Variants in PSME4 observed in about 807,000 individuals in gnomAD.
PSME4 encodes proteasome activator subunit 4, also known as proteasome activator complex subunit 4.
PSME4 carries 89 observed loss-of-function variants against 253.9 expected under a neutral mutation model. That is an observed-to-expected ratio of 0.35 (90% CI 0.30 to 0.42). PSME4 has a LOEUF of 0.42. Among genes scored for constraint, PSME4 ranks in the 10% least tolerant of loss-of-function variants. The probability of loss-of-function intolerance (pLI) is 1.00; values close to 1 mark genes in which losing one functional copy is unlikely to be tolerated. For synonymous variants in PSME4, 851 were observed against 759.2 expected, an observed-to-expected ratio of 1.12 and a Z score of -1.99; for missense variants, 2,014 against 2,195.2, an observed-to-expected ratio of 0.92 and a Z score of 1.65.
chr2:53,965,116 C>T (rs1188014731), intron 1 of PSME4, among the ~76,000 whole-genome samples: 1 of 152,146 alleles, frequency 6.6e-6, no homozygotes, highest in Non-Finnish European at 1.5e-5. Context: ...CACACACACA[C>T]ACACGAATCA....
chr2:53,889,284 T>C (rs1679788300), intron 37 of PSME4, among the ~76,000 whole-genome samples: 1 of 152,248 alleles, frequency 6.6e-6, no homozygotes, highest in Non-Finnish European at 1.5e-5. Context: ...TTCAAGTCTG[T>C]TATGAAAATG....
intron 5 of PSME4, 103 bp from the exon 6 acceptor site, chr2:53,936,930 A>G: frequency 1.3e-6 from 1 of 743,754 alleles, no homozygotes; most frequent in Non-Finnish European, 2.2e-6. Context: ...ACTGATAACT[A>G]CGTTAACTAG....
chr2:53,879,534 T>C (rs985765713), intron 41 of PSME4, among the ~76,000 whole-genome samples: 1 of 152,094 alleles, frequency 6.6e-6, no homozygotes, highest in Admixed American at 6.6e-5. Flanking sequence ...AGAGTAACTG[T>C]CAACAGGAAC....
chr2:53,947,911 G>C (rs1281455265), intron 3 of PSME4, among the ~76,000 whole-genome samples: 1 of 151,656 alleles, frequency 6.6e-6, no homozygotes, highest in African/African-American at 2.4e-5. Context: ...AGCTGCTCGG[G>C]AGGCTGAGGA....
At chr2:53,914,620 C>G (rs929568037) in intron 20 of PSME4, among the ~76,000 whole-genome samples, 1 of 152,192 alleles carries the variant, frequency 6.6e-6, no homozygotes, top group African/African-American at 2.4e-5. Context: ...CAGTGGCTCA[C>G]GCCTGTGATC....
At position 53,900,946 on chromosome 2, in the gene PSME4, G is replaced by A. The variant is rs145718540; in HGVS notation, c.3285+404C>T. Among the ~76,000 whole-genome samples, 170 of 152,196 alleles carry A rather than the reference G, an allele frequency of 1.1e-3. 1 individual carries two copies. The highest frequency in any genetic ancestry group is 3.9e-3 in the African/African-American group (163 of 41,538). On this transcript the variant is annotated intron_variant, in intron 28 of 46. Coordinates refer to ENST00000404125, the MANE Select transcript of PSME4 (RefSeq NM_014614.3). The stretch of plus-strand genomic sequence containing the variant: ...TGAAAGTTATATTCTTTAGTCTTTC[G>A]AGTCAAATCATTCAATTTTAGTTTT...
rs769899194 is a variant in PSME4 at position 53,925,645 on chromosome 2, T to C, written c.1703A>G (p.Glu568Gly). 1 of 1,611,256 alleles carries C rather than the reference T, an allele frequency of 6.2e-7. No individual in the cohort carries two copies. Among genetic ancestry groups the C allele is most frequent in the South Asian group, 1.1e-5 (1 of 90,988 alleles). ...IESSTLEQTR[E>G]ETETEKMTHL... ...TGTCATTTTCTCAGTTTCTGTCTCT[T>C]CTCTTGTTTGCTCCAATGTGCTACT... The change falls in exon 14 of 47, where the codon GAA becomes GGA. Residue 568 changes from glutamate (E) to glycine (G), a missense_variant. Glu to Gly is a moderately conservative substitution (Grantham distance 98). Coordinates refer to ENST00000404125, the MANE Select transcript of PSME4 (RefSeq NM_014614.3).
At chr2:53,946,654 G>C (rs1442078176) in intron 3 of PSME4, among the ~76,000 whole-genome samples, 1 of 152,242 alleles carries the variant, frequency 6.6e-6, no homozygotes, top group African/African-American at 2.4e-5. Context: ...CCAGCACTTT[G>C]GGAGGCCAAG....
intron 12 of PSME4, 53 bp downstream of exon 12, chr2:53,927,341 T>C (rs1668601015): frequency 1.6e-6 from 2 of 1,256,688 alleles, no homozygotes; most frequent in East Asian, 2.3e-5. Flanking sequence ...ACTATGCATA[T>C]GCAATAATAA....
chr2:53,918,742 A>C (rs1381374243), intron 20 of PSME4, among the ~76,000 whole-genome samples: 1 of 152,184 alleles, frequency 6.6e-6, no homozygotes, highest in Non-Finnish European at 1.5e-5. Context: ...AACCAATTCA[A>C]AATCATAATG....
intron 43 of PSME4, among the ~76,000 whole-genome samples, chr2:53,872,686 G>A (rs748936573): frequency 2.3e-5 from 3 of 129,712 alleles, no homozygotes; most frequent in Non-Finnish European, 4.7e-5. Context: ...AGGCTGCAGT[G>A]AGCCATAATT....
intron 41 of PSME4, among the ~76,000 whole-genome samples, chr2:53,883,187 C>T (rs544866601): frequency 6.6e-6 from 1 of 152,194 alleles, no homozygotes; most frequent in African/African-American, 2.4e-5. Flanking sequence ...CCACAAACTT[C>T]AAAGTTTTTT....
intron 20 of PSME4, among the ~76,000 whole-genome samples, chr2:53,910,956 C>T (rs1468729901): frequency 2.6e-5 from 4 of 152,010 alleles, no homozygotes; most frequent in Admixed American, 2.6e-4. Context: ...AGTTAATAAA[C>T]AGCAATCTTA....
In PSME4 at chr2:53,887,313, T is replaced by C; in HGVS notation, c.4675A>G (p.Asn1559Asp). 1.2e-6 allele frequency: 2 copies of C among 1,614,092 alleles called. No homozygotes were observed. Among genetic ancestry groups the C allele is most frequent in the Non-Finnish European group, 1.7e-6 (2 of 1,179,958 alleles). Residue 1559 changes from asparagine to aspartate, a missense_variant, in exon 40 of 47, where the codon AAT becomes GAT. Around this residue, in one of 4 missense-constraint regions of PSME4, gnomAD observed 403 missense variants for 556.1 expected, o/e 0.72. Transcript: ENST00000404125. ...EEIQNHVMEE[N>D]GIGEEDERTQ... ...CGCTCATCTTCTTCACCAATTCCAT[T>C]TTCTTCCATAACATGGTTCTGAATT...
Position 53,908,581 on chromosome 2 carries a change from G to T in PSME4, c.2630-16C>A. 1 of 1,577,334 alleles carries T rather than the reference G, an allele frequency of 6.3e-7. No homozygotes were observed. Among genetic ancestry groups the T allele is most frequent in the South Asian group, 1.2e-5 (1 of 83,954 alleles). ...AGTATGTGGTCTATAATGGAAGAAAGAAAAGGATTTTGGTTAAAATATTTT... is the reference window on the plus strand; with the variant it reads ...AGTATGTGGTCTATAATGGAAGAAATAAAAGGATTTTGGTTAAAATATTTT... On this transcript the variant is annotated splice_polypyrimidine_tract_variant and intron_variant, in intron 22 of 46. Transcript: ENST00000404125.
chr2:53,880,688 C>G (rs1202384767), intron 41 of PSME4, among the ~76,000 whole-genome samples: 1 of 152,142 alleles, frequency 6.6e-6, no homozygotes, highest in African/African-American at 2.4e-5. Flanking sequence ...ATTCATAAAA[C>G]AATTTCAGAA....
intron 20 of PSME4, among the ~76,000 whole-genome samples, chr2:53,918,458 A>T (rs562480673): frequency 7.9e-5 from 12 of 152,100 alleles, no homozygotes; most frequent in African/African-American, 2.9e-4. Context: ...GGCTCAAGCA[A>T]TCCTCCCACC....
rs1162538755 is a variant in PSME4, at chr2:53,925,966, T to C, written c.1651A>G (p.Met551Val). Residue 551 changes from methionine to valine, a missense_variant, in exon 13 of 47, where the codon ATG becomes GTG. By Grantham distance (21) the Met-to-Val change is conservative (BLOSUM62 1). Around this residue, in one of 4 missense-constraint regions of PSME4, gnomAD observed 989 missense variants for 1,021.1 expected, o/e 0.97. Transcript: ENST00000404125. Reference protein sequence around the residue: ...AEFEDFVLQFMDRCFGLIESS... With the variant: ...AEFEDFVLQFVDRCFGLIESS... ...TGTGGGTTACAAGCTCACCTGTCCA[T>C]AAACTGTAAGACGAAATCCTCAAAT... 6.2e-7 allele frequency: 1 copy of C among 1,612,922 alleles called. No homozygotes were observed. The highest frequency in any genetic ancestry group is 1.7e-5 in the Admixed American group (1 of 60,028).
At chr2:53,889,901 T>C (rs1679825120) in intron 37 of PSME4, among the ~76,000 whole-genome samples, 1 of 152,178 alleles carries the variant, frequency 6.6e-6, no homozygotes, top group Admixed American at 6.5e-5. Flanking sequence ...GACAAAAGTA[T>C]GAACAAACTT....
Sources: gnomAD v4.1 joint callset for allele counts (sites outside exome capture counted in the v4.1 genomes callset) on GRCh38, gnomAD v4.1.1 for gene constraint, gnomAD v4.1.1 regional missense constraint, MANE v1.5 for transcripts, NCBI Gene and HGNC (gene_info 2026-07-23, HGNC 2026-07-21) for gene names.